GALNT13: variants seen among roughly 807,000 people sequenced by gnomAD.
GALNT13 encodes the protein polypeptide N-acetylgalactosaminyltransferase 13.
A neutral mutation model predicts 64.2 loss-of-function variants in GALNT13; 28 were observed. The ratio of observed to expected loss-of-function variants is 0.44; its 90% CI spans 0.32 to 0.60. The LOEUF is 0.60. Among genes scored for constraint, GALNT13 ranks in the 20% least tolerant of loss-of-function variants. The pLI is 0.05. For synonymous variants in GALNT13, 214 were observed against 224.6 expected, an observed-to-expected ratio of 0.95 and a Z score of 0.42; for missense variants, 577 against 669.8, an observed-to-expected ratio of 0.86 and a Z score of 1.53.
the GALNT13 span, among the ~76,000 whole-genome samples, chr2:153,241,540 G>A: frequency 6.6e-6 from 1 of 152,124 alleles, no homozygotes. Context: ...GGCACAGTGA[G>A]CTGGGTCCTT....
intron 2 of GALNT13, among the ~76,000 whole-genome samples, chr2:153,912,341 T>C (rs114021130): frequency 1.0e-3 from 155 of 152,318 alleles, no homozygotes; most frequent in African/African-American, 3.5e-3. Flanking sequence ...TTAGATTGGG[T>C]TTCAGTGTTT....
chr2:153,168,928 A>T, the GALNT13 span, among the ~76,000 whole-genome samples: 1 of 152,184 alleles, frequency 6.6e-6, no homozygotes, highest in Non-Finnish European at 1.5e-5. Context: ...TAACTGTAGA[A>T]ATCACAGCTT....
chr2:153,841,875 C>A, the GALNT13 span, among the ~76,000 whole-genome samples: 1 of 152,038 alleles, frequency 6.6e-6, no homozygotes, highest in Non-Finnish European at 1.5e-5. Context: ...GCAAAGTGCA[C>A]AAAAGATGAT....
chr2:153,698,698 G>T, the GALNT13 span, among the ~76,000 whole-genome samples: 18 of 152,216 alleles, frequency 1.2e-4, no homozygotes, highest in South Asian at 2.3e-3. Flanking sequence ...AAATTAACAA[G>T]GGTATTCAAG....
the GALNT13 span, among the ~76,000 whole-genome samples, chr2:153,323,342 T>C: frequency 7.9e-5 from 12 of 152,188 alleles, no homozygotes; most frequent in Admixed American, 5.2e-4. Context: ...GATAGGGTTT[T>C]TTTTTCTTGT....
chr2:153,458,189 A>G, the GALNT13 span, among the ~76,000 whole-genome samples: 3 of 152,146 alleles, frequency 2.0e-5, no homozygotes, highest in Non-Finnish European at 4.4e-5. Flanking sequence ...AACCAAAAAG[A>G]CAATCACCCT....
chr2:154,163,099 A>G (rs1326033105), intron 4 of GALNT13, among the ~76,000 whole-genome samples: 3 of 150,920 alleles, frequency 2.0e-5, no homozygotes, highest in Non-Finnish European at 4.4e-5. Context: ...TTTATTTAAC[A>G]TTAGGTATAT....
intron 3 of GALNT13, among the ~76,000 whole-genome samples, chr2:154,100,797 A>C (rs1014005014): frequency 6.6e-6 from 1 of 151,978 alleles, no homozygotes; most frequent in Admixed American, 6.6e-5. Context: ...GTAGGGGGAA[A>C]GTTTTCAACC....
At chr2:153,643,770 T>C in the GALNT13 span, among the ~76,000 whole-genome samples, 1 of 152,142 alleles carries the variant, frequency 6.6e-6, no homozygotes, top group Non-Finnish European at 1.5e-5. Flanking sequence ...TTTAGTTTAC[T>C]CTAAAAATGG....
chr2:153,403,533 G>C, the GALNT13 span, among the ~76,000 whole-genome samples: 4 of 152,184 alleles, frequency 2.6e-5, no homozygotes, highest in South Asian at 2.1e-4. Context: ...CAGCCTCCCT[G>C]CCACCTTGCA....
chr2:153,434,737 T>C, the GALNT13 span, among the ~76,000 whole-genome samples: 5 of 152,192 alleles, frequency 3.3e-5, no homozygotes, highest in African/African-American at 1.2e-4. Flanking sequence ...TAGCCCTTTG[T>C]CAGATAAGTA....
intron 2 of GALNT13, among the ~76,000 whole-genome samples, chr2:153,929,145 G>C (rs570420166): frequency 6.6e-6 from 1 of 152,154 alleles, no homozygotes; most frequent in African/African-American, 2.4e-5. Flanking sequence ...ATTGTGTCTT[G>C]TTGTCTGTTT....
chr2:153,434,309 T>C, the GALNT13 span, among the ~76,000 whole-genome samples: 2 of 152,212 alleles, frequency 1.3e-5, no homozygotes, highest in South Asian at 4.1e-4. Context: ...TGTGTCTTTA[T>C]AGCAGCATGA....
intron 9 of GALNT13, among the ~76,000 whole-genome samples, chr2:154,353,355 A>G (rs1056520869): frequency 1.3e-5 from 2 of 152,210 alleles, no homozygotes; most frequent in African/African-American, 2.4e-5. Context: ...ATACATATAG[A>G]TAGTAAAATG....
chr2:154,077,881 C>G (rs540430580), intron 3 of GALNT13, among the ~76,000 whole-genome samples: 1 of 151,496 alleles, frequency 6.6e-6, no homozygotes, highest in African/African-American at 2.4e-5. Flanking sequence ...AATAATATAT[C>G]TTAGGAAATT....
At chr2:153,938,841 C>T (rs1034513944) in intron 2 of GALNT13, among the ~76,000 whole-genome samples, 2 of 152,144 alleles carry the variant, frequency 1.3e-5, no homozygotes, top group Admixed American at 1.3e-4. Flanking sequence ...TTTAAATCCC[C>T]TATTTCCAAA....
At chr2:153,396,773 A>C in the GALNT13 span, among the ~76,000 whole-genome samples, 1 of 152,096 alleles carries the variant, frequency 6.6e-6, no homozygotes, top group African/African-American at 2.4e-5. Context: ...GAAAGTCTGG[A>C]TGATGTTTTT....
intron 4 of GALNT13, among the ~76,000 whole-genome samples, chr2:154,206,253 G>A (rs528081676): frequency 9.2e-4 from 139 of 151,526 alleles, no homozygotes; most frequent in African/African-American, 3.2e-3. Flanking sequence ...CGCCCGCCTC[G>A]GCCTCCCAAA....
At chr2:153,552,996 C>T in the GALNT13 span, among the ~76,000 whole-genome samples, 2 of 152,300 alleles carry the variant, frequency 1.3e-5, no homozygotes, top group East Asian at 3.9e-4. Context: ...CTCTTCCTAA[C>T]AGACCACAGA....
Sources: gnomAD v4.1 joint callset for allele counts (sites outside exome capture counted in the v4.1 genomes callset) on GRCh38, gnomAD v4.1.1 for gene constraint, MANE v1.5 for transcripts, NCBI Gene and HGNC (gene_info 2026-07-23, HGNC 2026-07-21) for gene names.